IGF2: variants seen among roughly 807,000 people sequenced by gnomAD.
IGF2 encodes the protein insulin like growth factor 2.
Under a neutral mutation model 12.0 loss-of-function variants are expected in IGF2, and 2 were observed. The ratio of observed to expected loss-of-function variants is 0.17; its 90% CI spans 0.07 to 0.52. The LOEUF is 0.52. Among genes scored for constraint, IGF2 ranks in the 20% least tolerant of loss-of-function variants. The probability of loss-of-function intolerance (pLI) is 0.95; values close to 1 mark genes in which losing one functional copy is unlikely to be tolerated. For missense variants in IGF2, 211 were observed against 268.0 expected (o/e 0.79, Z 1.48); for synonymous variants, 105 against 110.1 (o/e 0.95, Z 0.29).
upstream of IGF2, among the ~76,000 whole-genome samples, chr11:2,145,680 G>T (rs577988579): frequency 2.0e-5 from 3 of 152,310 alleles, no homozygotes; most frequent in South Asian, 4.1e-4. Flanking sequence ...CCCACAGCAG[G>T]GTGTAGTGGC....
At chr11:2,140,587 C>G, upstream of IGF2, 1 of 503,764 alleles carries the variant, frequency 2.0e-6, no homozygotes, top group Non-Finnish European at 3.6e-6. Context: ...CCCCAGCCCC[C>G]TGCCCGCCCC....
chr11:2,134,323 TCCC>T (rs1858837085), intron 2 of IGF2: 2 of 355,064 alleles, frequency 5.6e-6, no homozygotes, highest in Non-Finnish European at 1.1e-5. Flanking sequence ...ATCACGGGGG[TCCC>T]CCAAGTGGGG....
chr11:2,135,249 A>C, intron 2 of IGF2, 118 bp downstream of exon 2: 1 of 934,894 alleles, frequency 1.1e-6, no homozygotes, highest in Non-Finnish European at 1.6e-6. Context: ...TCAAAGTCTC[A>C]GAGCAAGCGG....
the IGF2 span, chr11:2,146,483 C>G: frequency 4.0e-6 from 2 of 496,694 alleles, no homozygotes; most frequent in Admixed American, 4.4e-5. Flanking sequence ...CCACACCAGA[C>G]AGCACAGACC....
At chr11:2,149,014 C>T in the IGF2 span, 2 of 1,015,526 alleles carry the variant, frequency 2.0e-6, no homozygotes, top group Non-Finnish European at 3.0e-6. Context: ...AAGTTCTTCC[C>T]CTCCTTCAGA....
At chr11:2,147,903 C>T in the IGF2 span, 2 of 971,168 alleles carry the variant, frequency 2.1e-6, no homozygotes, top group African/African-American at 3.3e-5. This position sits in a 1 kb window ranked among gnomAD's most constrained non-coding sequence, Gnocchi z 7.2. Flanking sequence ...TCCCATCCCC[C>T]TCCCCGGGTT....
In IGF2 at chr11:2,131,835, TTGTGTGC is replaced by T. The variant is rs1858604143; in HGVS notation, c.*1145_*1151del. The T allele has an allele frequency of 6.3e-6, 1 of 159,168 alleles. No individual in the cohort carries two copies. The highest frequency in any genetic ancestry group is 1.2e-5 in the Non-Finnish European group (1 of 81,298). The allele number at this position is 159,168 out of a possible 1,614,324, so 9.9% of individuals were successfully genotyped here. ...GCATGTGTGTGCGTGTGCTGTGCGT[TTGTGTGC>T]TGTGTGCTCGTGTGTGTGCTGTGTG... On this transcript the variant is annotated 3_prime_UTR_variant, in exon 4 of 4. Coordinates refer to ENST00000416167, the MANE Select transcript of IGF2 (RefSeq NM_000612.6).
the IGF2 span, chr11:2,149,549 C>T: frequency 4.7e-4 from 285 of 607,538 alleles, no homozygotes; most frequent in African/African-American, 4.4e-3. Flanking sequence ...GTGCTGAGGC[C>T]GCTGGGGCAG....
At chr11:2,134,452 A>G (rs914566930) in intron 2 of IGF2, among the ~76,000 whole-genome samples, 3 of 152,246 alleles carry the variant, frequency 2.0e-5, no homozygotes, top group Non-Finnish European at 4.4e-5. Context: ...GGGGCAGGCA[A>G]GAGAGAGGGC....
the IGF2 span, chr11:2,147,891 TG>T: frequency 1.9e-6 from 2 of 1,040,450 alleles, no homozygotes; most frequent in Non-Finnish European, 1.2e-6. This position sits in a 1 kb window ranked among gnomAD's most constrained non-coding sequence, Gnocchi z 7.2. Context: ...GCCTGAGCCC[TG>T]TCCCATCCCC....
chr11:2,145,270 C>T (rs1172480874), upstream of IGF2, among the ~76,000 whole-genome samples: 1 of 152,216 alleles, frequency 6.6e-6, no homozygotes, highest in African/African-American at 2.4e-5. Context: ...TTGATGTTTT[C>T]CTCTGCAGGG....
chr11:2,132,071 T>TGTGCTCGTGTGTGTGCA lies in IGF2; in HGVS notation c.*915_*916insTGCACACACACGAGCAC. The TGTGCTCGTGTGTGTGCA allele has an allele frequency of 4.7e-6, 1 of 211,578 alleles. No individual in the cohort carries two copies. Among genetic ancestry groups the TGTGCTCGTGTGTGTGCA allele is most frequent in the South Asian group, 1.9e-4 (1 of 5,312 alleles). The allele number at this position is 211,578 out of a possible 1,614,324, so 13.1% of individuals were successfully genotyped here. A position where few individuals can be genotyped will look rare whatever the true frequency, so the allele number is the denominator to read the frequency against. ...GTGTGTGCTGTGCTCGTGTGTGTGC[T>TGTGCTCGTGTGTGTGCA]GTGTTCATGCGTGTGCTGTGTGTTG... On this transcript the variant is annotated 3_prime_UTR_variant, in exon 4 of 4. Transcript: ENST00000416167.
upstream of IGF2, chr11:2,140,909 G>A (rs1174594241): frequency 2.6e-6 from 1 of 380,958 alleles, no homozygotes; most frequent in South Asian, 1.9e-5. Flanking sequence ...GGCAGCGAGC[G>A]ATCGAACGCT....
chr11:2,139,869 T>C (rs1444026738), upstream of IGF2, among the ~76,000 whole-genome samples: 1 of 151,846 alleles, frequency 6.6e-6, no homozygotes, highest in Non-Finnish European at 1.5e-5. Flanking sequence ...TTGCTGGTTG[T>C]TGCGGCTGAG....
Position 2,132,923 on chromosome 11 carries a change from C to A in IGF2, c.*64G>T, listed in dbSNP as rs931067409. ...TTTTCGGGATGGAACCTGATGGAAACGTCCGTGGTCAGGAGGAGGCTGCAG... is the reference window on the plus strand; with the variant it reads ...TTTTCGGGATGGAACCTGATGGAAAAGTCCGTGGTCAGGAGGAGGCTGCAG... On this transcript the variant is annotated 3_prime_UTR_variant, in exon 4 of 4. Coordinates refer to ENST00000416167, the MANE Select transcript of IGF2 (RefSeq NM_000612.6). 105 of 1,130,444 alleles carry A rather than the reference C, an allele frequency of 9.3e-5. No homozygotes were observed. The highest frequency in any genetic ancestry group is 2.3e-4 in the Middle Eastern group (1 of 4,298). 70.0% of individuals were successfully genotyped at this position (1,130,444 alleles called of 1,614,324 possible).
upstream of IGF2, among the ~76,000 whole-genome samples, chr11:2,144,445 A>G (rs1206235071): frequency 6.6e-6 from 1 of 152,228 alleles, no homozygotes; most frequent in Non-Finnish European, 1.5e-5. Context: ...GGCCTTCGCC[A>G]GCACCAAACA....
chr11:2,139,635 G>A (rs572154610), upstream of IGF2, among the ~76,000 whole-genome samples: 1,462 of 150,356 alleles, frequency 9.7e-3, 29 homozygotes, highest in African/African-American at 0.034. Flanking sequence ...CTGGGTGGGG[G>A]GCAGGGAGCC....
At chr11:2,135,614 A>T in intron 1 of IGF2, 85 bp from the exon 2 acceptor site, 1 of 1,226,046 alleles carries the variant, frequency 8.2e-7, no homozygotes, top group Non-Finnish European at 1.1e-6. Context: ...AAATTTGCCA[A>T]CCTACAAATT....
chr11:2,137,257 T>G, intron 1 of IGF2: 2 of 994,868 alleles, frequency 2.0e-6, no homozygotes, highest in Non-Finnish European at 2.4e-6. Flanking sequence ...AAGCTGGAAG[T>G]CTCTTTCACA....
Sources: allele counts gnomAD v4.1 joint callset (sites outside exome capture counted in the v4.1 genomes callset), GRCh38; gene constraint gnomAD v4.1.1; non-coding constraint Gnocchi (gnomAD v3.1); transcripts MANE v1.5; gene names NCBI Gene and HGNC (gene_info 2026-07-23, HGNC 2026-07-21).